Variants in ATP2B2 observed in about 807,000 individuals in gnomAD.
ATP2B2 encodes the protein ATPase plasma membrane Ca2+ transporting 2.
A neutral mutation model predicts 120.0 loss-of-function variants in ATP2B2; 15 were observed. That is an observed-to-expected ratio of 0.12 (90% confidence interval 0.08 to 0.19). The LOEUF (loss-of-function observed/expected upper bound fraction) is 0.19. Among genes scored for constraint, ATP2B2 ranks in the 10% least tolerant of loss-of-function variants. The probability of loss-of-function intolerance (pLI) is 1.00; values close to 1 mark genes in which losing one functional copy is unlikely to be tolerated. For missense variants in ATP2B2, 1,045 were observed against 1,719.8 expected (o/e 0.61, Z 6.94); for synonymous variants, 694 against 700.3 (o/e 0.99, Z 0.14).
intron 11 of ATP2B2, 115 bp from the exon 12 acceptor site, chr3:10,372,166 C>A (rs2061262450): frequency 3.5e-6 from 5 of 1,435,790 alleles, no homozygotes; most frequent in Non-Finnish European, 4.8e-6. Flanking sequence ...CACAGCCTGC[C>A]CCTTTGCTTC....
At chr3:10,356,599 C>A (rs1290237390) in intron 14 of ATP2B2, among the ~76,000 whole-genome samples, 1 of 152,040 alleles carries the variant, frequency 6.6e-6, no homozygotes, top group Non-Finnish European at 1.5e-5. Context: ...GGGATGTTTC[C>A]AAGGCAGGGT....
chr3:10,375,073 G>GATTATCAATGTCTAAAAATC lies in ATP2B2; in HGVS notation c.1416+337_1416+356dup, dbSNP rs2061344986. Reference sequence around the variant, plus strand: ...ATTATTTTTTTAAAATTTTTGAGTTGATTATCAATGTCTAAAAATCACGAG... The same window carrying GATTATCAATGTCTAAAAATC: ...ATTATTTTTTTAAAATTTTTGAGTTGATTATCAATGTCTAAAAATCATTATCAATGTCTAAAAATCACGAG... On this transcript the variant is annotated intron_variant, in intron 11 of 22. Transcript: ENST00000360273. The surrounding 1 kb of genome is among the most constrained non-coding windows in gnomAD (Gnocchi z 4.2). Among the ~76,000 whole-genome samples, 1 of 152,110 alleles carries GATTATCAATGTCTAAAAATC rather than the reference G, an allele frequency of 6.6e-6. No individual in the cohort carries two copies. Among genetic ancestry groups the GATTATCAATGTCTAAAAATC allele is most frequent in the Non-Finnish European group, 1.5e-5 (1 of 68,016 alleles).
At chr3:10,608,252 G>A (rs1333004685) in intron 2 of ATP2B2, among the ~76,000 whole-genome samples, 2 of 152,196 alleles carry the variant, frequency 1.3e-5, no homozygotes, top group Admixed American at 6.5e-5. Flanking sequence ...ACCACATCAA[G>A]CCCCCATTAT....
chr3:10,457,074 G>A (rs2064290782), intron 1 of ATP2B2, among the ~76,000 whole-genome samples: 1 of 152,172 alleles, frequency 6.6e-6, no homozygotes. Flanking sequence ...GATGTAAGCA[G>A]GCATGCCAAT....
intron 2 of ATP2B2, among the ~76,000 whole-genome samples, chr3:10,437,460 C>A (rs988005342): frequency 6.6e-6 from 1 of 152,164 alleles, no homozygotes; most frequent in Non-Finnish European, 1.5e-5. Flanking sequence ...GGTGGCAAAG[C>A]TGGGGTTCAG....
chr3:10,340,975 C>G lies in ATP2B2; in HGVS notation c.2918-271G>C, dbSNP rs183880652. On this transcript the variant is annotated intron_variant, in intron 19 of 22. Transcript: ENST00000360273. This position sits in a 1 kb window ranked among gnomAD's most constrained non-coding sequence, Gnocchi z 5.0. ...TGGAAACCCGATAAAGGTGGACGGCCGGCTGTGTTAAAGGTGGGCGACATG... is the reference window on the plus strand; with the variant it reads ...TGGAAACCCGATAAAGGTGGACGGCGGGCTGTGTTAAAGGTGGGCGACATG... 6.6e-6 allele frequency among the ~76,000 whole-genome samples: 1 copy of G among 152,088 alleles called. No homozygotes were observed. Among genetic ancestry groups the G allele is most frequent in the Non-Finnish European group, 1.5e-5 (1 of 68,008 alleles).
intron 1 of ATP2B2, among the ~76,000 whole-genome samples, chr3:10,706,155 A>G (rs2071892613): frequency 6.6e-6 from 1 of 152,212 alleles, no homozygotes; most frequent in African/African-American, 2.4e-5. Context: ...GACTCACAGA[A>G]GGCAAGAATC....
chr3:10,573,694 G>T (rs189968360), intron 2 of ATP2B2, among the ~76,000 whole-genome samples: 39 of 152,284 alleles, frequency 2.6e-4, no homozygotes, highest in Admixed American at 2.5e-3. Context: ...GCTGAGCCAG[G>T]CTCCAGACTC....
At chr3:10,597,262 C>G (rs953102369) in intron 2 of ATP2B2, among the ~76,000 whole-genome samples, 1 of 150,574 alleles carries the variant, frequency 6.6e-6, no homozygotes, top group Admixed American at 6.6e-5. Flanking sequence ...CACACAGACA[C>G]AGGCACAGGC....
At chr3:10,490,817 G>A (rs1240052631) in intron 1 of ATP2B2, among the ~76,000 whole-genome samples, 1 of 152,204 alleles carries the variant, frequency 6.6e-6, no homozygotes, top group African/African-American at 2.4e-5. Flanking sequence ...CAGGGGGACT[G>A]GAAGATCACT....
In ATP2B2 at chr3:10,483,775, C is replaced by T. The variant is rs139071992; in HGVS notation, c.-320+21690G>A. 3.5e-3 allele frequency among the ~76,000 whole-genome samples: 537 copies of T among 152,304 alleles called. 5 individuals are homozygous for T. Among genetic ancestry groups the T allele is most frequent in the African/African-American group, 0.012 (513 of 41,552 alleles). On this transcript the variant is annotated intron_variant, in intron 1 of 22. Coordinates refer to ENST00000360273, the MANE Select transcript of ATP2B2 (RefSeq NM_001001331.4). ...CACTGGCTGGCCTCCAAACGCCTTC[C>T]GGAAAAAACTTCCAAAAAGAAACTG...
intron 1 of ATP2B2, among the ~76,000 whole-genome samples, chr3:10,628,697 C>T (rs977779550): frequency 2.6e-5 from 4 of 152,190 alleles, no homozygotes; most frequent in South Asian, 2.1e-4. Flanking sequence ...CAAAACCAAC[C>T]TCTTTCCTGC....
chr3:10,479,600 TAA>T (rs2065329055), intron 1 of ATP2B2, among the ~76,000 whole-genome samples: 1 of 151,816 alleles, frequency 6.6e-6, no homozygotes, highest in South Asian at 2.1e-4. Context: ...TGCAATAATT[TAA>T]AAAATAACAG....
Position 10,441,266 on chromosome 3 carries a change from T to C in ATP2B2, c.199+8079A>G, listed in dbSNP as rs1005266349. Reference sequence around the variant, plus strand: ...CTGGAGTTGTTTCCTGTCTTTTTGTTTTTTTTGAGACAGAGTCTCACTCTG... The same window carrying C: ...CTGGAGTTGTTTCCTGTCTTTTTGTCTTTTTTGAGACAGAGTCTCACTCTG... On this transcript the variant is annotated intron_variant, in intron 2 of 22. Transcript: ENST00000360273. Among the ~76,000 whole-genome samples, 8 of 152,158 alleles carry C rather than the reference T, an allele frequency of 5.3e-5. 1 individual carries two copies. Among genetic ancestry groups the C allele is most frequent in the Non-Finnish European group, 1.0e-4 (7 of 68,030 alleles).
Position 10,343,055 on chromosome 3 carries a change from C to G in ATP2B2, c.2704-90G>C. 7.1e-7 allele frequency: 1 copy of G among 1,405,020 alleles called. No individual in the cohort carries two copies. 87.0% of individuals were successfully genotyped at this position (1,405,020 alleles called of 1,614,324 possible). On this transcript the variant is annotated intron_variant, in intron 18 of 22. Transcript: ENST00000360273. This position sits in a 1 kb window ranked among gnomAD's most constrained non-coding sequence, Gnocchi z 4.2. ...GCTCATGGTGTAGTGTCCGCAGGCT[C>G]CTGCTGGAGGCTGGAGTCCGACCTG...
chr3:10,633,383 T>C (rs2069926273), intron 1 of ATP2B2, among the ~76,000 whole-genome samples: 1 of 152,190 alleles, frequency 6.6e-6, no homozygotes. Context: ...TTGCCGCTCC[T>C]TCCCAGAAAC....
chr3:10,364,236 G>A (rs1232552575), intron 12 of ATP2B2, among the ~76,000 whole-genome samples: 1 of 152,010 alleles, frequency 6.6e-6, no homozygotes, highest in African/African-American at 2.4e-5. Context: ...AGAGGGGAAT[G>A]GAAACTTACC....
chr3:10,675,786 G>A (rs866755925), intron 1 of ATP2B2, among the ~76,000 whole-genome samples: 1 of 152,298 alleles, frequency 6.6e-6, no homozygotes, highest in African/African-American at 2.4e-5. Flanking sequence ...CCAGCCACAT[G>A]CAAGGCCACA....
intron 1 of ATP2B2, among the ~76,000 whole-genome samples, chr3:10,700,559 C>T (rs2071802060): frequency 6.6e-6 from 1 of 152,204 alleles, no homozygotes; most frequent in Non-Finnish European, 1.5e-5. Context: ...AGAGCTGTGT[C>T]TCTCCCCCAT....
Sources: gnomAD v4.1 joint callset for allele counts (sites outside exome capture counted in the v4.1 genomes callset) on GRCh38, gnomAD v4.1.1 for gene constraint, Gnocchi (gnomAD v3.1) non-coding constraint, MANE v1.5 for transcripts, NCBI Gene and HGNC (gene_info 2026-07-23, HGNC 2026-07-21) for gene names.